Variants in RPS23 observed in about 807,000 individuals in gnomAD.
RPS23 encodes the protein small ribosomal subunit protein uS12.
For missense variants in RPS23, 73 were observed against 174.5 expected (o/e 0.42, Z 3.28); for synonymous variants, 66 against 60.4 (o/e 1.09, Z -0.43).
In RPS23 at chr5:82,274,997, C is replaced by A; in HGVS notation, c.*1112G>T. On this transcript the variant is annotated 3_prime_UTR_variant, in exon 4 of 4. Coordinates refer to ENST00000296674, the MANE Select transcript of RPS23 (RefSeq NM_001025.5). ...AAGTTTGAGGATGACCAACTGAGACCAGTGTTGCTGGAGCACAAAGTGCCA... is the reference window on the plus strand; with the variant it reads ...AAGTTTGAGGATGACCAACTGAGACAAGTGTTGCTGGAGCACAAAGTGCCA... The A allele has an allele frequency of 5.6e-6, 3 of 532,510 alleles. No homozygotes were observed. Among genetic ancestry groups the A allele is most frequent in the South Asian group, 2.5e-5 (1 of 40,676 alleles). 33.0% of individuals were successfully genotyped at this position (532,510 alleles called of 1,614,324 possible).
rs753987726 is a variant in RPS23, at chr5:82,278,354, G to A, written c.-31C>T. 3.1e-6 allele frequency: 5 copies of A among 1,605,938 alleles called. No homozygotes were observed. Among genetic ancestry groups the A allele is most frequent in the Non-Finnish European group, 3.4e-6 (4 of 1,176,946 alleles). On this transcript the variant is annotated 5_prime_UTR_variant, in exon 1 of 4. Coordinates refer to ENST00000296674, the MANE Select transcript of RPS23 (RefSeq NM_001025.5). ...CGGCGCCACGGGCCTGAGCGAAAGAGAGAAGCACCGCAGGAAGGAGCCACA... is the reference window on the plus strand; with the variant it reads ...CGGCGCCACGGGCCTGAGCGAAAGAAAGAAGCACCGCAGGAAGGAGCCACA...
chr5:82,274,913 G>A lies in RPS23; in HGVS notation c.*1196C>T. 2.9e-6 allele frequency: 1 copy of A among 344,600 alleles called. No homozygotes were observed. 21.3% of individuals were successfully genotyped at this position (344,600 alleles called of 1,614,324 possible). On this transcript the variant is annotated 3_prime_UTR_variant, in exon 4 of 4. Coordinates refer to ENST00000296674, the MANE Select transcript of RPS23 (RefSeq NM_001025.5). ...CACACGAGCTCTTTAGTAAGAGCAG[G>A]CGACATGCAAGGAACCATAGTAACA... is the stretch of plus-strand genomic sequence containing the variant.
At position 82,275,595 on chromosome 5, in the gene RPS23, CAG is replaced by C. The variant is rs1038497359; in HGVS notation, c.*512_*513del. On this transcript the variant is annotated 3_prime_UTR_variant, in exon 4 of 4. Coordinates refer to ENST00000296674, the MANE Select transcript of RPS23 (RefSeq NM_001025.5). ...GATCCTGACACCTTTAAATAATAAA[CAG>C]AGTGGGGAGCAATTTTGAGTTTACT... 2.0e-5 allele frequency: 8 copies of C among 398,440 alleles called. No individual in the cohort carries two copies. In the South Asian group the frequency reaches 4.1e-4, roughly 21 times the overall value. The allele number at this position is 398,440 out of a possible 1,614,324, so 24.7% of individuals were successfully genotyped here. A position where few individuals can be genotyped will look rare whatever the true frequency, so the allele number is the denominator to read the frequency against.
chr5:82,278,132 G>C (rs1234596197), intron 1 of RPS23, 188 bp downstream of exon 1: 2 of 762,588 alleles, frequency 2.6e-6, no homozygotes, highest in African/African-American at 3.5e-5. Context: ...CCCCGACCTC[G>C]GCGGCCTCCA....
rs376211274 is a variant in RPS23, at chr5:82,276,093, T to G, written c.*16A>C. The G allele has an allele frequency of 2.5e-6, 4 of 1,598,576 alleles. No homozygotes were observed. In the African/African-American group the frequency reaches 5.4e-5, roughly 22 times the overall value. On this transcript the variant is annotated 3_prime_UTR_variant, in exon 4 of 4. Coordinates refer to ENST00000296674, the MANE Select transcript of RPS23 (RefSeq NM_001025.5). Reference sequence around the variant, plus strand: ...CATATGAAAATTTATTACTACAGTGTTTTCACCATTAATATTTATGATCTT... The same window carrying G: ...CATATGAAAATTTATTACTACAGTGGTTTCACCATTAATATTTATGATCTT...
chr5:82,276,645 G>C (rs226199), intron 2 of RPS23, 127 bp from the exon 3 acceptor site: 844,693 of 1,181,550 alleles, frequency 0.71, 303,526 homozygotes, highest in East Asian at 0.95. Context: ...CTGAGCTGAA[G>C]TCCTGTGATG....
intron 2 of RPS23, chr5:82,277,387 G>A (rs1365982298): frequency 2.6e-6 from 1 of 388,784 alleles, no homozygotes; most frequent in Non-Finnish European, 4.7e-6. Context: ...AAGTTCAATA[G>A]CTGACACGTG....
rs1297830438 is a variant in RPS23, at chr5:82,277,933, G to A, written c.5-81C>T. ...ATCTTCTAAGACACTCGCCTCACCT[G>A]GAATAAACCCTTAAGCCGATTGGCT... On this transcript the variant is annotated intron_variant, in intron 1 of 3. Transcript: ENST00000296674. The A allele has an allele frequency of 1.1e-5, 14 of 1,268,292 alleles. No individual in the cohort carries two copies. In the East Asian group the frequency reaches 2.4e-4, roughly 22 times the overall value. The allele number at this position is 1,268,292 out of a possible 1,614,324, so 78.6% of individuals were successfully genotyped here.
intron 1 of RPS23, 36 bp downstream of exon 1, chr5:82,278,284 G>C: frequency 1.4e-6 from 2 of 1,442,112 alleles, no homozygotes; most frequent in East Asian, 3.4e-5. Flanking sequence ...CCCAAGTCCC[G>C]CTTGCAGCGC....
chr5:82,278,142 A>C, intron 1 of RPS23, 178 bp downstream of exon 1: 3 of 833,706 alleles, frequency 3.6e-6, no homozygotes, highest in Non-Finnish European at 5.6e-6. Flanking sequence ...GGCGGCCTCC[A>C]CGCCTCATGG....
At position 82,273,394 on chromosome 5, in the gene RPS23, A is replaced by C. The variant is rs1297368519; in HGVS notation, c.*2715T>G. ...CTTAAAATCTGAGCTCCTCAAGTGCACAATTTCTGTCCCTTTTAAGGGCTC... is the reference window on the plus strand; with the variant it reads ...CTTAAAATCTGAGCTCCTCAAGTGCCCAATTTCTGTCCCTTTTAAGGGCTC... On this transcript the variant is annotated 3_prime_UTR_variant, in exon 4 of 4. Transcript: ENST00000296674. 2 of 149,488 alleles carry C rather than the reference A, an allele frequency of 1.3e-5. No homozygotes were observed. Among genetic ancestry groups the C allele is most frequent in the African/African-American group, 5.1e-5 (2 of 38,862 alleles). The allele number at this position is 149,488 out of a possible 1,614,324, so 9.3% of individuals were successfully genotyped here. A position where few individuals can be genotyped will look rare whatever the true frequency, so the allele number is the denominator to read the frequency against.
At chr5:82,278,137 C>T in intron 1 of RPS23, 183 bp downstream of exon 1, 1 of 792,114 alleles carries the variant, frequency 1.3e-6, no homozygotes, top group Non-Finnish European at 2.0e-6. Flanking sequence ...ACCTCGGCGG[C>T]CTCCACGCCT....
intron 2 of RPS23, chr5:82,276,753 G>A: frequency 1.8e-6 from 1 of 550,608 alleles, no homozygotes. Context: ...GGCAGCGTGG[G>A]CCTGTAGTCC....
chr5:82,278,320 C>A lies in RPS23; in HGVS notation c.4G>T (p.Gly2Cys), dbSNP rs780794849. Residue 2 changes from glycine to cysteine, a missense_variant and splice_region_variant, in exon 1 of 4, where the codon GGC becomes TGC. Transcript: ENST00000296674. M[G>C]KCRGLRTARK... ...CCTTAAACCGGCCACAACAGCTCAC[C>A]CATCCTGTCGGCGCCACGGGCCTGA... is the stretch of plus-strand genomic sequence containing the variant. 6 of 1,610,568 alleles carry A rather than the reference C, an allele frequency of 3.7e-6. No homozygotes were observed. The highest frequency in any genetic ancestry group is 1.7e-5 in the Admixed American group (1 of 59,730).
Position 82,276,458 on chromosome 5 carries a change from G to T in RPS23, c.225C>A (p.Ile75=), listed in dbSNP as rs1581864412. 6.2e-7 allele frequency: 1 copy of T among 1,613,944 alleles called. No homozygotes were observed. The highest frequency in any genetic ancestry group is 8.5e-7 in the Non-Finnish European group (1 of 1,179,870). ...AGGCTGTGATTTTCTTGCCATTCTT[G>T]ATCAGCTGGACCCTTACACACTTCC... ...AIRKCVRVQL[I]KNGKKITAFV... The change falls in exon 3 of 4, where the codon ATC becomes ATA. Residue 75 remains isoleucine (I), a synonymous_variant. Transcript: ENST00000296674.
rs1329193934 is a variant in RPS23 at position 82,273,586 on chromosome 5, T to G, written c.*2523A>C. 1.3e-5 allele frequency: 2 copies of G among 149,076 alleles called. No individual in the cohort carries two copies. The highest frequency in any genetic ancestry group is 6.6e-5 in the Admixed American group (1 of 15,190). The allele number at this position is 149,076 out of a possible 1,614,324, so 9.2% of individuals were successfully genotyped here. On this transcript the variant is annotated 3_prime_UTR_variant, in exon 4 of 4. Transcript: ENST00000296674. ...CATCAGGTTCTAAGTCGTAAGTTGA[T>G]TTTTAACTACTAGGTTTAGGCCAGG...
chr5:82,276,041 G>C lies in RPS23; in HGVS notation c.*68C>G. ...ACATGATCTTCGTGGTGAGAACAGGGGACAGTAAGATACAAACATTTTTTG... is the reference window on the plus strand; with the variant it reads ...ACATGATCTTCGTGGTGAGAACAGGCGACAGTAAGATACAAACATTTTTTG... On this transcript the variant is annotated 3_prime_UTR_variant, in exon 4 of 4. Coordinates refer to ENST00000296674, the MANE Select transcript of RPS23 (RefSeq NM_001025.5). 7.0e-7 allele frequency: 1 copy of C among 1,431,948 alleles called. No individual in the cohort carries two copies. Among genetic ancestry groups the C allele is most frequent in the Non-Finnish European group, 9.6e-7 (1 of 1,038,926 alleles). The allele number at this position is 1,431,948 out of a possible 1,614,324, so 88.7% of individuals were successfully genotyped here.
Position 82,276,012 on chromosome 5 carries a change from A to G in RPS23, c.*97T>C. On this transcript the variant is annotated 3_prime_UTR_variant, in exon 4 of 4. Coordinates refer to ENST00000296674, the MANE Select transcript of RPS23 (RefSeq NM_001025.5). ...AAAATAAGGGGGGGTGGTGGTGGTA[A>G]TGAACATGATCTTCGTGGTGAGAAC... 2 of 1,184,458 alleles carry G rather than the reference A, an allele frequency of 1.7e-6. No homozygotes were observed. Among genetic ancestry groups the G allele is most frequent in the Non-Finnish European group, 1.2e-6 (1 of 834,466 alleles). 73.4% of individuals were successfully genotyped at this position (1,184,458 alleles called of 1,614,324 possible).
Position 82,278,313 on chromosome 5 carries a change from A to T in RPS23, c.4+7T>A, listed in dbSNP as rs1369181469. 1 of 1,609,912 alleles carries T rather than the reference A, an allele frequency of 6.2e-7. No individual in the cohort carries two copies. Among genetic ancestry groups the T allele is most frequent in the African/African-American group, 1.3e-5 (1 of 74,508 alleles). On this transcript the variant is annotated splice_region_variant and intron_variant, in intron 1 of 3. Transcript: ENST00000296674. ...GCAGCGCCCTTAAACCGGCCACAAC[A>T]GCTCACCCATCCTGTCGGCGCCACG...
Sources: gnomAD v4.1 joint callset for allele counts on GRCh38, gnomAD v4.1.1 for gene constraint, MANE v1.5 for transcripts, NCBI Gene and HGNC (gene_info 2026-07-23, HGNC 2026-07-21) for gene names.